Variants in IPO8 observed in about 807,000 individuals in gnomAD.
IPO8 encodes importin-8.
In IPO8, 65 loss-of-function variants were observed where a neutral mutation model predicts 141.2. The observed-to-expected ratio is 0.46, with a 90% CI of 0.38 to 0.57. IPO8 has a LOEUF of 0.57. IPO8 is among the 20% of genes least tolerant of loss of function. The probability of loss-of-function intolerance (pLI) is 0.00; values close to 1 mark genes in which losing one functional copy is unlikely to be tolerated. For missense variants in IPO8, 980 were observed against 1,246.8 expected (o/e 0.79, Z 3.22); for synonymous variants, 411 against 420.3 (o/e 0.98, Z 0.27).
intron 5 of IPO8, among the ~76,000 whole-genome samples, chr12:30,677,843 A>C (rs1488050525): frequency 1.3e-5 from 2 of 152,212 alleles, no homozygotes; most frequent in African/African-American, 4.8e-5. Flanking sequence ...AAAGTTAAAA[A>C]TTTTAAAGTT....
chr12:30,643,606 G>A (rs377024781), intron 20 of IPO8, among the ~76,000 whole-genome samples: 5 of 152,200 alleles, frequency 3.3e-5, no homozygotes, highest in African/African-American at 9.6e-5. Context: ...ATGCCTTGGG[G>A]CCATTCTCCT....
chr12:30,641,080 A>G (rs2136129046), intron 20 of IPO8, among the ~76,000 whole-genome samples: 1 of 152,364 alleles, frequency 6.6e-6, no homozygotes, highest in African/African-American at 2.4e-5. Context: ...TAGAACTAGT[A>G]AAACTAAAAG....
intron 15 of IPO8, among the ~76,000 whole-genome samples, chr12:30,661,948 C>T (rs538332408): frequency 1.3e-5 from 2 of 152,216 alleles, no homozygotes; most frequent in East Asian, 1.9e-4. Context: ...AGTCATGCAT[C>T]GCTTAACATG....
intron 8 of IPO8, among the ~76,000 whole-genome samples, chr12:30,671,996 G>C (rs1311606472): frequency 1.3e-5 from 2 of 152,052 alleles, no homozygotes; most frequent in Non-Finnish European, 2.9e-5. Context: ...GATTATAAAA[G>C]AAGGTATTTG....
chr12:30,659,819 C>T (rs2052858656), intron 16 of IPO8, among the ~76,000 whole-genome samples: 1 of 147,652 alleles, frequency 6.8e-6, no homozygotes, highest in South Asian at 2.1e-4. Flanking sequence ...TGAGCCACTG[C>T]ACTCCAGCCT....
chr12:30,658,383 T>C (rs1315631026), intron 16 of IPO8, among the ~76,000 whole-genome samples: 1 of 152,222 alleles, frequency 6.6e-6, no homozygotes, highest in Non-Finnish European at 1.5e-5. Flanking sequence ...GTTTTGCCTG[T>C]AATTATTCAT....
chr12:30,631,772 T>C, intron 24 of IPO8, 123 bp downstream of exon 24: 1 of 650,630 alleles, frequency 1.5e-6, no homozygotes, highest in Admixed American at 2.4e-5. Context: ...TTCCTTATTA[T>C]CTTAAAGGGT....
rs749270340 is a variant in IPO8, at chr12:30,674,793, T to A, written c.730-40A>T. On this transcript the variant is annotated intron_variant, in intron 6 of 24. Coordinates refer to ENST00000256079, the MANE Select transcript of IPO8 (RefSeq NM_006390.4). Reference sequence around the variant, plus strand: ...TTACCCAGATTAAAGTTCTGCATAATAAAAGGATTTATGTGAATAACAAAG... The same window carrying A: ...TTACCCAGATTAAAGTTCTGCATAAAAAAAGGATTTATGTGAATAACAAAG... 10 of 1,273,676 alleles carry A rather than the reference T, an allele frequency of 7.9e-6. No homozygotes were observed. The East Asian group carries it at 1.8e-4, about 24-fold the overall frequency. The allele number at this position is 1,273,676 out of a possible 1,614,324, so 78.9% of individuals were successfully genotyped here.
At chr12:30,649,990 A>C (rs2052703730) in intron 19 of IPO8, among the ~76,000 whole-genome samples, 1 of 152,024 alleles carries the variant, frequency 6.6e-6, no homozygotes, top group African/African-American at 2.4e-5. Flanking sequence ...GAAATTTAAA[A>C]TATAGACAAA....
intron 7 of IPO8, among the ~76,000 whole-genome samples, 179 bp downstream of exon 7, chr12:30,674,477 CAGA>C (rs1315892840): frequency 6.6e-6 from 1 of 151,924 alleles, no homozygotes; most frequent in Admixed American, 6.6e-5. Context: ...AAGTTTTTCA[CAGA>C]AGAATAGAAA....
At chr12:30,642,532 T>A (rs2052588445) in intron 20 of IPO8, among the ~76,000 whole-genome samples, 1 of 151,940 alleles carries the variant, frequency 6.6e-6, no homozygotes, top group Admixed American at 6.6e-5. Context: ...CAATGACCAA[T>A]CCAATATCAA....
intron 20 of IPO8, 36 bp from the exon 21 acceptor site, chr12:30,639,771 C>T: frequency 6.7e-7 from 1 of 1,502,770 alleles, no homozygotes; most frequent in African/African-American, 1.4e-5. Context: ...ACCACACAGA[C>T]AGCCCAAGTA....
Position 30,639,546 on chromosome 12 carries a change from G to T in IPO8, c.2458C>A (p.Gln820Lys). Residue 820 changes from glutamine (Q) to lysine (K), a missense_variant, in exon 21 of 25, where the codon CAA becomes AAA. Gln to Lys is a moderately conservative substitution (Grantham distance 53). Transcript: ENST00000256079. ...AAACAATCTGTATCATTCATCCATTGATTTATAAACTGTACAGTGATAGGT... is the reference window on the plus strand; with the variant it reads ...AAACAATCTGTATCATTCATCCATTTATTTATAAACTGTACAGTGATAGGT... ...PGPITVQFIN[Q>K]WMNDTDCFLG... 6.2e-7 allele frequency: 1 copy of T among 1,612,996 alleles called. No homozygotes were observed. The highest frequency in any genetic ancestry group is 1.1e-5 in the South Asian group (1 of 91,036).
In IPO8 at chr12:30,630,660, A is replaced by C. The variant is rs1192283037; in HGVS notation, c.*200T>G. 3.8e-6 allele frequency: 2 copies of C among 532,870 alleles called. No homozygotes were observed. Among genetic ancestry groups the C allele is most frequent in the African/African-American group, 3.9e-5 (2 of 51,360 alleles). The allele number at this position is 532,870 out of a possible 1,614,324, so 33.0% of individuals were successfully genotyped here. ...TGTTTTTCTTTCATTTCATACTTAC[A>C]GTAGCTGTTTAAAATATATATTTCA... On this transcript the variant is annotated 3_prime_UTR_variant, in exon 25 of 25. Coordinates refer to ENST00000256079, the MANE Select transcript of IPO8 (RefSeq NM_006390.4).
chr12:30,677,132 GA>G lies in IPO8; in HGVS notation c.640-546del, dbSNP rs1393935160. The G allele has an allele frequency of 5.6e-6, 8 of 1,433,946 alleles. No homozygotes were observed. The Admixed American group carries it at 1.6e-4, about 29-fold the overall frequency. 88.8% of individuals were successfully genotyped at this position (1,433,946 alleles called of 1,614,324 possible). ...ATGCTACATGCTACAGACATAATAA[GA>G]TAGACAATCTTTGCCCTCACGAAGC... On this transcript the variant is annotated intron_variant, in intron 5 of 24. Coordinates refer to ENST00000256079, the MANE Select transcript of IPO8 (RefSeq NM_006390.4).
In IPO8 at chr12:30,681,672, C is replaced by T; in HGVS notation, c.469G>A (p.Val157Met). 1 of 1,612,792 alleles carries T rather than the reference C, an allele frequency of 6.2e-7. No homozygotes were observed. The highest frequency in any genetic ancestry group is 8.5e-7 in the Non-Finnish European group (1 of 1,179,364). The part of the protein sequence containing the change: ...LGSLLCLYQL[V>M]KTYEYKKAEE... Reference sequence around the variant, plus strand: ...AAACCAACTTACTCATATGTCTTCACCAGTTGATACAGGCATAATAAACTG... The same window carrying T: ...AAACCAACTTACTCATATGTCTTCATCAGTTGATACAGGCATAATAAACTG... The change falls in exon 4 of 25, where the codon GTG (valine) becomes ATG (methionine). Residue 157 changes from valine to methionine, a missense_variant. Transcript: ENST00000256079.
In IPO8 at chr12:30,676,521, T is replaced by C. The variant is rs779929851; in HGVS notation, c.706A>G (p.Ile236Val). 8 of 1,613,174 alleles carry C rather than the reference T, an allele frequency of 5.0e-6. No homozygotes were observed. Among genetic ancestry groups the C allele is most frequent in the African/African-American group, 2.7e-5 (2 of 74,890 alleles). Residue 236 changes from isoleucine to valine, a missense_variant, in exon 6 of 25, where the codon ATT (isoleucine) becomes GTT (valine). Transcript: ENST00000256079. ...MTTWMEIFRT[I>V]IDRTVPPETL... ...ACAGGAGGAACGGTCCTGTCGATAATAGTTCGGAAGATCTCCATCCATGTT... is the reference window on the plus strand; with the variant it reads ...ACAGGAGGAACGGTCCTGTCGATAACAGTTCGGAAGATCTCCATCCATGTT...
At chr12:30,668,877 G>A (rs2053007011) in intron 10 of IPO8, among the ~76,000 whole-genome samples, 1 of 152,102 alleles carries the variant, frequency 6.6e-6, no homozygotes, top group South Asian at 2.1e-4. Flanking sequence ...CTATAAATGA[G>A]TCTCCCAAAA....
Position 30,690,570 on chromosome 12 carries a change from T to C in IPO8, c.92A>G (p.Lys31Arg), listed in dbSNP as rs745316419. The C allele has an allele frequency of 6.4e-7, 1 of 1,563,476 alleles. No homozygotes were observed. The highest frequency in any genetic ancestry group is 8.7e-7 in the Non-Finnish European group (1 of 1,147,242). The change falls in exon 2 of 25, where the codon AAG becomes AGG. Residue 31 changes from lysine (K) to arginine (R), a missense_variant. Around this residue, in one of 3 missense-constraint regions of IPO8, gnomAD observed 40 missense variants for 46.3 expected, o/e 0.86. Coordinates refer to ENST00000256079, the MANE Select transcript of IPO8 (RefSeq NM_006390.4). Reference sequence around the variant, plus strand: ...TAAACTGGGGGCAAAATTGATAATCTTGTAGGACTGAAATTACAAAGAAAT... The same window carrying C: ...TAAACTGGGGGCAAAATTGATAATCCTGTAGGACTGAAATTACAAAGAAAT... ...AAENELNQSYKIINFAPSLLR... is the reference protein window; with the variant it reads ...AAENELNQSYRIINFAPSLLR...
Sources: gnomAD v4.1 joint callset for allele counts (sites outside exome capture counted in the v4.1 genomes callset) on GRCh38, gnomAD v4.1.1 for gene constraint, gnomAD v4.1.1 regional missense constraint, MANE v1.5 for transcripts, NCBI Gene and HGNC (gene_info 2026-07-23, HGNC 2026-07-21) for gene names.